The following NEO1 variants were observed in gnomAD, a reference collection of about 807,000 sequenced individuals.
The protein encoded by NEO1 is neogenin 1, also known as neogenin.
In NEO1, 63 loss-of-function variants were observed where a neutral mutation model predicts 159.7. The observed-to-expected ratio is 0.39, with a 90% CI of 0.32 to 0.49. The LOEUF (loss-of-function observed/expected upper bound fraction) is 0.49. Ranked by LOEUF, NEO1 falls within the 20% of genes least tolerant of loss-of-function variation. NEO1 has a pLI of 0.85. For synonymous variants in NEO1, 633 were observed against 662.0 expected, an observed-to-expected ratio of 0.96 and a Z score of 0.67; for missense variants, 1,615 against 1,831.0, an observed-to-expected ratio of 0.88 and a Z score of 2.15.
intron 1 of NEO1, among the ~76,000 whole-genome samples, chr15:73,064,380 CT>C (rs369930186): frequency 5.3e-5 from 8 of 152,284 alleles, no homozygotes; most frequent in African/African-American, 1.9e-4. Flanking sequence ...TTCTCTCTCT[CT>C]TTGTCTCTCT....
chr15:73,057,061 A>C (rs952626452), intron 1 of NEO1, among the ~76,000 whole-genome samples: 1 of 152,200 alleles, frequency 6.6e-6, no homozygotes, highest in Non-Finnish European at 1.5e-5. Flanking sequence ...GCAACTTCAC[A>C]TACATCTGTA....
chr15:73,265,833 A>G (rs1340272786), intron 15 of NEO1, among the ~76,000 whole-genome samples: 1 of 152,156 alleles, frequency 6.6e-6, no homozygotes, highest in African/African-American at 2.4e-5. Context: ...AGGTTTGGCC[A>G]TTTCTGGATT....
chr15:73,160,407 T>C (rs1368166922), intron 5 of NEO1, among the ~76,000 whole-genome samples: 1 of 152,188 alleles, frequency 6.6e-6, no homozygotes, highest in South Asian at 2.1e-4. Context: ...ACCGAGTTTA[T>C]TTCATATGTA....
chr15:73,180,562 T>C (rs1272124624), intron 7 of NEO1, among the ~76,000 whole-genome samples: 1 of 152,208 alleles, frequency 6.6e-6, no homozygotes, highest in Non-Finnish European at 1.5e-5. Context: ...ATTTGGGGTA[T>C]ATTTATTTAC....
intron 9 of NEO1, 131 bp from the exon 10 acceptor site, chr15:73,248,929 C>A: frequency 1.2e-6 from 1 of 856,178 alleles, no homozygotes; most frequent in Non-Finnish European, 1.8e-6. Context: ...AAAACCACTT[C>A]AATCAAATCC....
chr15:73,281,503 C>T (rs2041712720), intron 22 of NEO1, among the ~76,000 whole-genome samples: 1 of 152,114 alleles, frequency 6.6e-6, no homozygotes. Flanking sequence ...GATCCACCCG[C>T]CTCGGCCTCC....
chr15:73,236,220 T>C, intron 7 of NEO1, 127 bp from the exon 8 acceptor site: 5 of 1,319,068 alleles, frequency 3.8e-6, no homozygotes, highest in South Asian at 1.3e-5. Context: ...TTTTTGTTTT[T>C]TCTGTTCTCT....
intron 11 of NEO1, 91 bp downstream of exon 11, chr15:73,249,812 C>T (rs2039981289): frequency 7.2e-7 from 1 of 1,383,208 alleles, no homozygotes; most frequent in Non-Finnish European, 9.6e-7. Flanking sequence ...CTAGAAGATT[C>T]AGTTCAAATC....
intron 7 of NEO1, among the ~76,000 whole-genome samples, chr15:73,212,478 T>C (rs932582882): frequency 1.3e-5 from 2 of 152,246 alleles, no homozygotes; most frequent in Admixed American, 6.5e-5. Context: ...TGTGTTCCTA[T>C]TTCTTGTCCT....
intron 4 of NEO1, among the ~76,000 whole-genome samples, chr15:73,128,573 G>C (rs1203604795): frequency 6.6e-6 from 1 of 152,158 alleles, no homozygotes; most frequent in South Asian, 2.1e-4. Context: ...GAACCAAATG[G>C]AGTTCTTGAT....
At chr15:73,218,535 G>A (rs1463321811) in intron 7 of NEO1, among the ~76,000 whole-genome samples, 4 of 151,970 alleles carry the variant, frequency 2.6e-5, no homozygotes, top group South Asian at 4.2e-4. Context: ...GGTAGAATTC[G>A]GCTGTGATTC....
At chr15:73,205,071 G>T (rs2037134670) in intron 7 of NEO1, among the ~76,000 whole-genome samples, 1 of 152,122 alleles carries the variant, frequency 6.6e-6, no homozygotes, top group African/African-American at 2.4e-5. Flanking sequence ...GCTAATAGTT[G>T]TTTCCGCTAT....
At chr15:73,104,218 A>G (rs2070557036) in intron 1 of NEO1, among the ~76,000 whole-genome samples, 1 of 152,228 alleles carries the variant, frequency 6.6e-6, no homozygotes, top group Non-Finnish European at 1.5e-5. Context: ...TACTGACATT[A>G]CTGACTTAAG....
intron 7 of NEO1, among the ~76,000 whole-genome samples, chr15:73,217,470 G>T (rs574066129): frequency 0.011 from 1,617 of 151,994 alleles, 19 homozygotes; most frequent in East Asian, 0.046. Flanking sequence ...TGTGAAGAAA[G>T]TCATTGGTAG....
chr15:73,176,596 C>A, intron 6 of NEO1, 39 bp downstream of exon 6: 1 of 1,511,072 alleles, frequency 6.6e-7, no homozygotes, highest in South Asian at 1.3e-5. Flanking sequence ...TTTCTGTAAC[C>A]TTTAGATATT....
At chr15:73,054,667 G>A (rs1482699387) in intron 1 of NEO1, among the ~76,000 whole-genome samples, 2 of 152,114 alleles carry the variant, frequency 1.3e-5, no homozygotes, top group South Asian at 2.1e-4. Flanking sequence ...GTAATTAGTC[G>A]TTTAATTGGG....
intron 7 of NEO1, among the ~76,000 whole-genome samples, chr15:73,183,834 A>G (rs898838449): frequency 6.6e-6 from 1 of 152,200 alleles, no homozygotes; most frequent in African/African-American, 2.4e-5. Flanking sequence ...TTTGAAACCT[A>G]TAGTATACTT....
intron 7 of NEO1, among the ~76,000 whole-genome samples, chr15:73,212,850 C>T (rs945434549): frequency 2.0e-5 from 3 of 152,010 alleles, no homozygotes; most frequent in Non-Finnish European, 4.4e-5. Flanking sequence ...TGAGGTTTGT[C>T]TTTATGTACT....
At chr15:73,069,295 C>T (rs1043690611) in intron 1 of NEO1, among the ~76,000 whole-genome samples, 1 of 151,904 alleles carries the variant, frequency 6.6e-6, no homozygotes, top group African/African-American at 2.4e-5. Flanking sequence ...CAGACATTTT[C>T]ATGATTGCCA....
Sources: gnomAD v4.1 joint callset for allele counts (sites outside exome capture counted in the v4.1 genomes callset) on GRCh38, gnomAD v4.1.1 for gene constraint, MANE v1.5 for transcripts, NCBI Gene and HGNC (gene_info 2026-07-23, HGNC 2026-07-21) for gene names.